BCAR1: variants seen among roughly 807,000 people sequenced by gnomAD.
BCAR1 encodes BCAR1 scaffold protein, Cas family member.
Under a neutral mutation model 67.6 loss-of-function variants are expected in BCAR1, and 30 were observed. That is an observed-to-expected ratio of 0.44 (90% CI 0.33 to 0.60). The LOEUF (loss-of-function observed/expected upper bound fraction) is 0.60, where lower values mean the gene tolerates loss of function less well. Ranked by LOEUF, BCAR1 falls within the 20% of genes least tolerant of loss-of-function variation. BCAR1 has a pLI of 0.02. For synonymous variants in BCAR1, 626 were observed against 556.7 expected (o/e 1.12, Z -1.75); for missense variants, 1,313 against 1,222.3 (o/e 1.07, Z -1.11).
chr16:75,242,627 C>A lies in BCAR1; in HGVS notation c.476G>T (p.Ser159Ile). The A allele has an allele frequency of 1.3e-6, 2 of 1,514,304 alleles. No individual in the cohort carries two copies. The highest frequency in any genetic ancestry group is 2.7e-5 in the South Asian group (2 of 74,974). The allele number at this position is 1,514,304 out of a possible 1,614,324, so 93.8% of individuals were successfully genotyped here. Reference sequence around the variant, plus strand: ...CACCTGGTACAGGTCTGTGGCCGGGCTGGGAAACGGGTGATGGGGTGTCTG... The same window carrying A: ...CACCTGGTACAGGTCTGTGGCCGGGATGGGAAACGGGTGATGGGGTGTCTG... Reference protein sequence around the residue: ...SKQTPHHPFPSPATDLYQVPP... With the variant: ...SKQTPHHPFPIPATDLYQVPP... The change falls in exon 2 of 7, where the codon AGC (serine) becomes ATC (isoleucine). Residue 159 changes from serine to isoleucine, a missense_variant. Around this residue, in one of 2 missense-constraint regions of BCAR1, gnomAD observed 1,272 missense variants for 1,137.5 expected, o/e 1.12. Coordinates refer to ENST00000162330, the MANE Select transcript of BCAR1 (RefSeq NM_014567.5).
intron 1 of BCAR1, among the ~76,000 whole-genome samples, chr16:75,250,387 T>C (rs1235293714): frequency 6.6e-6 from 1 of 151,850 alleles, no homozygotes; most frequent in Admixed American, 6.6e-5. Context: ...GGGAAAGGAA[T>C]GGGCACAAGA....
At chr16:75,260,224 T>A (rs8046743) in intron 1 of BCAR1, among the ~76,000 whole-genome samples, 57,795 of 151,602 alleles carry the variant, frequency 0.38, 12,199 homozygotes, top group Non-Finnish European at 0.48. Flanking sequence ...GACCCCAAAG[T>A]GCATCTACTG....
chr16:75,266,026 C>CT (rs142708073), intron 1 of BCAR1: 48,563 of 1,029,914 alleles, frequency 0.047, 3,261 homozygotes, highest in African/African-American at 0.29. Flanking sequence ...CGCGCCGCCC[C>CT]CCCCACCGTC....
intron 1 of BCAR1, among the ~76,000 whole-genome samples, chr16:75,257,592 C>A (rs1441693620): frequency 6.6e-6 from 1 of 152,218 alleles, no homozygotes. Flanking sequence ...CTAGCTGGGT[C>A]TACAGGTGTG....
At chr16:75,257,620 A>C (rs1244414169) in intron 1 of BCAR1, among the ~76,000 whole-genome samples, 1 of 152,080 alleles carries the variant, frequency 6.6e-6, no homozygotes, top group African/African-American at 2.4e-5. Flanking sequence ...ATGCCTGGCT[A>C]ATTTTTTTAT....
intron 1 of BCAR1, chr16:75,263,325 G>A (rs773749662): frequency 3.0e-6 from 3 of 985,342 alleles, no homozygotes; most frequent in South Asian, 4.7e-5. Context: ...GAGGTCTGAG[G>A]TGGGTGGCAC....
At chr16:75,243,440 C>T (rs540726765) in intron 1 of BCAR1, 3 of 588,210 alleles carry the variant, frequency 5.1e-6, no homozygotes, top group South Asian at 1.5e-5. Flanking sequence ...GCAGTAATCA[C>T]GACAAAGCTG....
chr16:75,263,239 G>T (rs2077942982), intron 1 of BCAR1: 1 of 949,706 alleles, frequency 1.1e-6, no homozygotes, highest in African/African-American at 1.8e-5. Context: ...CTGGAAGCTG[G>T]CCTCTTACCT....
At chr16:75,262,199 C>G (rs1166094432) in intron 1 of BCAR1, among the ~76,000 whole-genome samples, 1 of 152,142 alleles carries the variant, frequency 6.6e-6, no homozygotes, top group Non-Finnish European at 1.5e-5. Flanking sequence ...GGCTGAGATC[C>G]CAGGCTCTGC....
At chr16:75,265,640 G>C (rs1292863801) in intron 1 of BCAR1, among the ~76,000 whole-genome samples, 1 of 152,010 alleles carries the variant, frequency 6.6e-6, no homozygotes, top group African/African-American at 2.4e-5. Context: ...GGAAAGGCGG[G>C]GGCAGAGAGG....
At chr16:75,234,379 C>T (rs1417492559) in intron 5 of BCAR1, among the ~76,000 whole-genome samples, 1 of 152,212 alleles carries the variant, frequency 6.6e-6, no homozygotes, top group African/African-American at 2.4e-5. Context: ...TCCACCCTGC[C>T]TTCCCAGGCT....
intron 1 of BCAR1, chr16:75,248,125 C>T: frequency 6.3e-7 from 1 of 1,596,888 alleles, no homozygotes; most frequent in Non-Finnish European, 8.5e-7. Context: ...AGTCCAGAAG[C>T]AGCAGAGGCC....
At chr16:75,252,156 T>G, upstream of BCAR1, 1 of 1,511,932 alleles carries the variant, frequency 6.6e-7, no homozygotes, top group Non-Finnish European at 8.9e-7. Context: ...TCCCACCGTG[T>G]AAGGACCCCA....
intron 1 of BCAR1, among the ~76,000 whole-genome samples, chr16:75,259,850 TAAAAAAAA>T (rs144448216): frequency 6.8e-5 from 5 of 73,462 alleles, no homozygotes; most frequent in African/African-American, 2.7e-4. Flanking sequence ...AGACTCCATC[TAAAAAAAA>T]AAAAAAAAAA....
rs754367401 is a variant in BCAR1 at position 75,229,902 on chromosome 16, C to T, written c.2222G>A (p.Arg741Gln). The T allele has an allele frequency of 3.7e-6, 6 of 1,609,894 alleles. No homozygotes were observed. The highest frequency in any genetic ancestry group is 1.3e-5 in the African/African-American group (1 of 74,988). ...CTCCAGGTAGAAGAGCAGCAGCTGC[C>T]GGTCCGAGGGCCCCAGGCCGCCTGT... ...GRTGGLGPSD[R>Q]QLLLFYLEQC... Residue 741 changes from arginine to glutamine, a missense_variant, in exon 7 of 7, where the codon CGG becomes CAG. Coordinates refer to ENST00000162330, the MANE Select transcript of BCAR1 (RefSeq NM_014567.5).
chr16:75,235,212 C>T lies in BCAR1; in HGVS notation c.1687G>A (p.Asp563Asn), dbSNP rs199985718. The T allele has an allele frequency of 7.3e-5, 117 of 1,608,336 alleles. No individual in the cohort carries two copies. The East Asian group carries it at 1.5e-3, about 21-fold the overall frequency. Residue 563 changes from aspartate (D) to asparagine (N), a missense_variant, in exon 5 of 7, where the codon GAC becomes AAC. This residue lies in a region of BCAR1 where 1,272 missense variants were observed against 1,137.5 expected (regional missense o/e 1.12). Coordinates refer to ENST00000162330, the MANE Select transcript of BCAR1 (RefSeq NM_014567.5). Reference protein sequence around the residue: ...QTLVAHGQALDAGRGGSGATL... With the variant: ...QTLVAHGQALNAGRGGSGATL... ...GCTCCAGAGCCTCCCCGGCCAGCGT[C>T]GAGGGCCTGACCATGTGCCACCAGC...
At chr16:75,237,111 T>C in intron 3 of BCAR1, 72 bp downstream of exon 3, 2 of 1,504,766 alleles carry the variant, frequency 1.3e-6, no homozygotes, top group Non-Finnish European at 1.8e-6. Context: ...AAGATGCAGC[T>C]CTCGGCCCAG....
upstream of BCAR1, among the ~76,000 whole-genome samples, chr16:75,252,758 G>T (rs1270882596): frequency 6.6e-6 from 1 of 152,234 alleles, no homozygotes; most frequent in Non-Finnish European, 1.5e-5. Context: ...AGGTGGGCCT[G>T]CAGCTGCCCC....
chr16:75,241,605 CTGGTGGCCAGGCT>C (rs2077344269), intron 2 of BCAR1, among the ~76,000 whole-genome samples: 1 of 152,232 alleles, frequency 6.6e-6, no homozygotes, highest in Non-Finnish European at 1.5e-5. Context: ...CCAGGTTCCC[CTGGTGGCCAGGCT>C]TGGTGGCCCA....
Sources: allele counts gnomAD v4.1 joint callset (sites outside exome capture counted in the v4.1 genomes callset), GRCh38; gene constraint gnomAD v4.1.1; regional missense constraint gnomAD v4.1.1; transcripts MANE v1.5; gene names NCBI Gene and HGNC (gene_info 2026-07-23, HGNC 2026-07-21).